Variants in NRG3 observed in about 807,000 individuals in gnomAD.
The protein encoded by NRG3 is pro-neuregulin-3, membrane-bound isoform.
NRG3 carries 31 observed loss-of-function variants against 66.9 expected under a neutral mutation model. The observed-to-expected ratio is 0.46, with a 90% CI of 0.35 to 0.63. NRG3 has a LOEUF of 0.63. Ranked by LOEUF, NRG3 falls within the 20% of genes least tolerant of loss-of-function variation. The probability of loss-of-function intolerance (pLI) is 0.00; values close to 1 mark genes in which losing one functional copy is unlikely to be tolerated. For synonymous variants in NRG3, 393 were observed against 359.4 expected (o/e 1.09, Z -1.06); for missense variants, 910 against 878.9 (o/e 1.04, Z -0.45).
intron 1 of NRG3, among the ~76,000 whole-genome samples, chr10:82,125,860 G>T (rs2068416604): frequency 6.6e-6 from 1 of 151,962 alleles, no homozygotes; most frequent in African/African-American, 2.4e-5. Context: ...GCACCGTCAG[G>T]TCTCCCTGGA....
chr10:82,568,440 T>A (rs1289140840), intron 2 of NRG3, among the ~76,000 whole-genome samples: 1 of 151,964 alleles, frequency 6.6e-6, no homozygotes, highest in East Asian at 1.9e-4. Flanking sequence ...CAAAAATTAG[T>A]TTATTCTAGA....
chr10:82,081,764 C>T (rs779841614), intron 1 of NRG3, among the ~76,000 whole-genome samples: 29 of 152,104 alleles, frequency 1.9e-4, no homozygotes, highest in African/African-American at 5.8e-4. Context: ...GCCATTTCTC[C>T]GCATGGTCTT....
At chr10:82,690,347 G>T (rs2054831343) in intron 2 of NRG3, among the ~76,000 whole-genome samples, 1 of 149,696 alleles carries the variant, frequency 6.7e-6, no homozygotes, top group Non-Finnish European at 1.5e-5. Context: ...GAAGCAATTT[G>T]CGTGCAATCT....
intron 1 of NRG3, among the ~76,000 whole-genome samples, chr10:82,103,800 G>A (rs1476361389): frequency 6.6e-6 from 1 of 151,924 alleles, no homozygotes; most frequent in Non-Finnish European, 1.5e-5. Context: ...TGCCTGGGCT[G>A]CCACTACCAT....
intron 2 of NRG3, among the ~76,000 whole-genome samples, chr10:82,545,783 CTTTT>C (rs1002975772): frequency 4.4e-5 from 4 of 91,430 alleles, no homozygotes; most frequent in South Asian, 3.5e-4. Context: ...AATATCAACT[CTTTT>C]TTTTTTTTTT....
intron 8 of NRG3, among the ~76,000 whole-genome samples, chr10:82,982,450 C>T (rs1853027635): frequency 6.6e-6 from 1 of 152,058 alleles, no homozygotes; most frequent in South Asian, 2.1e-4. Flanking sequence ...CATCATTGGC[C>T]CTCAAGAGAT....
chr10:82,567,869 CT>C (rs1285209348), intron 2 of NRG3, among the ~76,000 whole-genome samples: 6 of 151,856 alleles, frequency 4.0e-5, no homozygotes, highest in African/African-American at 1.5e-4. Flanking sequence ...ATATATTCCA[CT>C]TTTTTGTAGC....
intron 1 of NRG3, among the ~76,000 whole-genome samples, chr10:82,307,132 A>C (rs770210758): frequency 6.6e-6 from 1 of 152,158 alleles, no homozygotes; most frequent in African/African-American, 2.4e-5. Context: ...TAGGCACATA[A>C]AAATTGTACT....
At chr10:82,802,107 G>A (rs994135075) in intron 3 of NRG3, among the ~76,000 whole-genome samples, 4 of 152,160 alleles carry the variant, frequency 2.6e-5, no homozygotes, top group African/African-American at 9.7e-5. Context: ...TCCACTAGAG[G>A]TGCGTAGTAT....
At chr10:82,128,344 A>G (rs1025734060) in intron 1 of NRG3, among the ~76,000 whole-genome samples, 2 of 152,030 alleles carry the variant, frequency 1.3e-5, no homozygotes, top group African/African-American at 4.8e-5. Context: ...CTCACCTTAA[A>G]AATGTTTTTA....
chr10:82,595,910 T>C (rs1453549943), intron 2 of NRG3, among the ~76,000 whole-genome samples: 1 of 152,198 alleles, frequency 6.6e-6, no homozygotes, highest in Non-Finnish European at 1.5e-5. Flanking sequence ...ACAGTTTTTG[T>C]TCCTTAAGTT....
At chr10:82,580,181 A>G (rs969603138) in intron 2 of NRG3, among the ~76,000 whole-genome samples, 5 of 151,966 alleles carry the variant, frequency 3.3e-5, no homozygotes, top group Non-Finnish European at 5.9e-5. Flanking sequence ...ATCCACTTAT[A>G]TAAAATCTGT....
chr10:82,359,433 C>T (rs1006481100), intron 2 of NRG3, among the ~76,000 whole-genome samples: 1 of 152,134 alleles, frequency 6.6e-6, no homozygotes, highest in Non-Finnish European at 1.5e-5. Context: ...AAATAGTAGT[C>T]CTGTTATAGT....
At chr10:82,108,182 C>T (rs569328167) in intron 1 of NRG3, among the ~76,000 whole-genome samples, 7 of 152,330 alleles carry the variant, frequency 4.6e-5, no homozygotes, top group African/African-American at 1.7e-4. Flanking sequence ...TAGAAAACAT[C>T]TGGCTATTAC....
At chr10:82,594,536 T>C (rs560965693) in intron 2 of NRG3, among the ~76,000 whole-genome samples, 1 of 152,272 alleles carries the variant, frequency 6.6e-6, no homozygotes, top group Non-Finnish European at 1.5e-5. Flanking sequence ...TTGTTAATGG[T>C]TATTTTAAAA....
chr10:82,890,415 T>C (rs1042860653), intron 4 of NRG3, among the ~76,000 whole-genome samples: 1 of 152,138 alleles, frequency 6.6e-6, no homozygotes, highest in Non-Finnish European at 1.5e-5. Flanking sequence ...GTCTTTATTT[T>C]CATGCTTGTA....
intron 6 of NRG3, among the ~76,000 whole-genome samples, chr10:82,968,661 C>G (rs908173869): frequency 4.8e-5 from 7 of 146,926 alleles, no homozygotes; most frequent in African/African-American, 1.7e-4. Flanking sequence ...GGAAGGGAGG[C>G]AGGGAGGGAG....
At chr10:81,979,103 C>T (rs576344127) in intron 1 of NRG3, among the ~76,000 whole-genome samples, 8 of 149,310 alleles carry the variant, frequency 5.4e-5, no homozygotes, top group East Asian at 2.0e-4. Context: ...GCAGGAGAAT[C>T]GCTTGAACCT....
intron 1 of NRG3, among the ~76,000 whole-genome samples, chr10:82,198,549 T>C (rs1022653803): frequency 6.6e-6 from 1 of 152,170 alleles, no homozygotes; most frequent in Non-Finnish European, 1.5e-5. Context: ...GTCACACTTA[T>C]CAACCTAGGT....
Sources: gnomAD v4.1 joint callset for allele counts (sites outside exome capture counted in the v4.1 genomes callset) on GRCh38, gnomAD v4.1.1 for gene constraint, MANE v1.5 for transcripts, NCBI Gene and HGNC (gene_info 2026-07-23, HGNC 2026-07-21) for gene names.